SYCE1: variants seen among roughly 807,000 people sequenced by gnomAD.
The protein encoded by SYCE1 is synaptonemal complex central element protein 1.
In SYCE1, 37 loss-of-function variants were observed where a neutral mutation model predicts 55.1. That is an observed-to-expected ratio of 0.67 (90% CI 0.52 to 0.88). The LOEUF (loss-of-function observed/expected upper bound fraction) is 0.88. SYCE1 is among the 40% of genes least tolerant of loss of function. The probability of loss-of-function intolerance (pLI) is 0.00; values close to 1 mark genes in which losing one functional copy is unlikely to be tolerated. For missense variants in SYCE1, 399 were observed against 416.4 expected, an observed-to-expected ratio of 0.96 and a Z score of 0.36; for synonymous variants, 163 against 159.4, an observed-to-expected ratio of 1.02 and a Z score of -0.17.
At chr10:133,566,294 T>C (rs1851933000), upstream of SYCE1, among the ~76,000 whole-genome samples, 1 of 152,196 alleles carries the variant, frequency 6.6e-6, no homozygotes, top group South Asian at 2.1e-4. Context: ...GGAAGAACTT[T>C]ACCGTGCAGG....
chr10:133,564,748 AG>A (rs1272577030), intron 1 of SYCE1, among the ~76,000 whole-genome samples: 1 of 152,232 alleles, frequency 6.6e-6, no homozygotes, highest in Non-Finnish European at 1.5e-5. Context: ...TGACAGCAGG[AG>A]GGACGTCACC....
In SYCE1 at chr10:133,557,168, G is replaced by A. The variant is rs369084249; in HGVS notation, c.375-12C>T. 1.9e-5 allele frequency: 31 copies of A among 1,611,974 alleles called. No homozygotes were observed. The highest frequency in any genetic ancestry group is 3.3e-5 in the Admixed American group (2 of 60,000). Reference sequence around the variant, plus strand: ...ACATGGTGTGCTTCCTGGGAGAGGCGAGGCAGCCCTCAGCCATGTTCTCTT... The same window carrying A: ...ACATGGTGTGCTTCCTGGGAGAGGCAAGGCAGCCCTCAGCCATGTTCTCTT... On this transcript the variant is annotated splice_polypyrimidine_tract_variant and intron_variant, in intron 6 of 12. Transcript: ENST00000343131.
At chr10:133,557,681 G>A (rs1851720232) in intron 6 of SYCE1, 183 bp downstream of exon 6, 1 of 631,972 alleles carries the variant, frequency 1.6e-6, no homozygotes, top group Admixed American at 2.9e-5. Context: ...TCTTGCCATT[G>A]AGAGAGTTTC....
chr10:133,567,538 C>T (rs910518876), upstream of SYCE1, among the ~76,000 whole-genome samples: 1 of 152,028 alleles, frequency 6.6e-6, no homozygotes. Context: ...ATCCACTCTT[C>T]TGGGCAGGTG....
rs904900380 is a variant in SYCE1, at chr10:133,562,184, T to C, written c.74-2031A>G. On this transcript the variant is annotated intron_variant, in intron 1 of 12. Coordinates refer to ENST00000343131, the MANE Select transcript of SYCE1 (RefSeq NM_001143764.3). ...GCAGATATTTGTCCTAGCTGAAATA[T>C]GTTGATGAGATCTTAAAAATTTTTT... Among the ~76,000 whole-genome samples, 4 of 152,140 alleles carry C rather than the reference T, an allele frequency of 2.6e-5. No individual in the cohort carries two copies. The East Asian group carries it at 7.7e-4, about 29-fold the overall frequency.
At chr10:133,554,761 C>G, downstream of SYCE1, 1 of 1,426,818 alleles carries the variant, frequency 7.0e-7, no homozygotes, top group South Asian at 1.3e-5. Flanking sequence ...CCTGGGCCCA[C>G]TGTGAGAGCG....
intron 11 of SYCE1, 24 bp from the exon 12 acceptor site, chr10:133,555,462 G>A (rs1851640730): frequency 1.9e-6 from 3 of 1,613,644 alleles, no homozygotes; most frequent in Non-Finnish European, 2.5e-6. Flanking sequence ...GGTAGGATGG[G>A]GGAAGGAAGA....
chr10:133,568,155 C>T (rs1401561932), upstream of SYCE1: 9 of 883,994 alleles, frequency 1.0e-5, no homozygotes, highest in East Asian at 5.4e-5. Context: ...AGGCACAGGC[C>T]GCCCGTGGGT....
At chr10:133,563,178 T>C (rs768786882) in intron 1 of SYCE1, among the ~76,000 whole-genome samples, 8 of 152,246 alleles carry the variant, frequency 5.3e-5, no homozygotes, top group Non-Finnish European at 1.2e-4. Context: ...ACAAACTTTC[T>C]GATAGTAAAT....
rs1202329083 is a variant in SYCE1, at chr10:133,555,145, G to A, written c.919-16C>T. 6.5e-7 allele frequency: 1 copy of A among 1,541,944 alleles called. No individual in the cohort carries two copies. The highest frequency in any genetic ancestry group is 2.4e-5 in the East Asian group (1 of 40,886). ...TGGGACTGGCCTGCAGGAGGTTAGT[G>A]TCCAGGGTGGGAATTTACACCCATC... On this transcript the variant is annotated splice_polypyrimidine_tract_variant and intron_variant, in intron 12 of 12. Coordinates refer to ENST00000343131, the MANE Select transcript of SYCE1 (RefSeq NM_001143764.3).
At chr10:133,567,149 C>G (rs529994683), upstream of SYCE1, among the ~76,000 whole-genome samples, 8 of 149,314 alleles carry the variant, frequency 5.4e-5, no homozygotes, top group Admixed American at 4.7e-4. Context: ...GGTTAGGGGT[C>G]AGGGGTCCGG....
chr10:133,560,327 T>C, intron 1 of SYCE1, 174 bp from the exon 2 acceptor site: 1 of 547,512 alleles, frequency 1.8e-6, no homozygotes, highest in Non-Finnish European at 3.2e-6. Context: ...CTTTTCCCTA[T>C]AAGGTAAAAT....
In SYCE1 at chr10:133,555,679, C is replaced by T. The variant is rs777609705; in HGVS notation, c.748G>A (p.Ala250Thr). ...VQLFQEEHRK[A>T]EELLAAAAQR... ...GCAGCAGCTGCTAGGAGCTCCTCAG[C>T]CTTCCTGTGCTCTTCCTGAAACAGC... is the stretch of plus-strand genomic sequence containing the variant. Residue 250 changes from alanine to threonine, a missense_variant, in exon 11 of 13, where the codon GCT (alanine) becomes ACT (threonine). Physicochemically the swap from Ala to Thr is moderately conservative, Grantham distance 58. Coordinates refer to ENST00000343131, the MANE Select transcript of SYCE1 (RefSeq NM_001143764.3). The T allele has an allele frequency of 1.9e-6, 3 of 1,604,922 alleles. No individual in the cohort carries two copies. The East Asian group carries it at 6.7e-5, about 36-fold the overall frequency.
Position 133,565,511 on chromosome 10 carries a change from T to G in SYCE1, c.19A>C (p.Thr7Pro). 2 of 1,549,876 alleles carry G rather than the reference T, an allele frequency of 1.3e-6. No individual in the cohort carries two copies. The highest frequency in any genetic ancestry group is 2.0e-5 in the Admixed American group (1 of 50,962). Residue 7 changes from threonine (T) to proline (P), a missense_variant, in exon 1 of 13, where the codon ACA becomes CCA. Thr to Pro is a conservative substitution (Grantham distance 38). Transcript: ENST00000343131. The part of the protein sequence containing the change: MAGRSL[T>P]SKAEPTAGAV... ...CCTGCGGTGGGCTCGGCCTTCGATGTCAGGGACCTCCCCGCCATTTCCTCT... is the reference window on the plus strand; with the variant it reads ...CCTGCGGTGGGCTCGGCCTTCGATGGCAGGGACCTCCCCGCCATTTCCTCT...
intron 6 of SYCE1, 90 bp downstream of exon 6, chr10:133,557,774 G>T (rs2133618550): frequency 3.5e-6 from 5 of 1,422,514 alleles, no homozygotes; most frequent in Admixed American, 1.7e-5. Context: ...AACAATGAGA[G>T]CTGTGGGTCT....
intron 1 of SYCE1, among the ~76,000 whole-genome samples, chr10:133,563,063 C>A (rs1851851179): frequency 6.6e-6 from 1 of 152,374 alleles, no homozygotes; most frequent in Middle Eastern, 3.4e-3. Flanking sequence ...AATTACCTTA[C>A]ACTGATGTAT....
At chr10:133,567,140 G>A (rs1281791974), upstream of SYCE1, among the ~76,000 whole-genome samples, 1 of 151,292 alleles carries the variant, frequency 6.6e-6, no homozygotes, top group Non-Finnish European at 1.5e-5. Context: ...TGAGGTTAGG[G>A]TTAGGGGTCA....
chr10:133,567,886 G>C (rs11101844), upstream of SYCE1: 2 of 491,254 alleles, frequency 4.1e-6, no homozygotes, highest in Middle Eastern at 5.6e-4. Context: ...TGGGAGGTGG[G>C]AGGCTGAGGC....
rs138670149 is a variant in SYCE1 at position 133,558,916 on chromosome 10, G to A, written c.232C>T (p.Arg78Trp). ...TTCTGCAGGGCCTCACAGATGGTCC[G>A]GGCCTCTCCTAGGTCTTTATTGGCT... ...KKANKDLGEA[R>W]TICEALQKEL... is the part of the protein sequence containing the mutation. Residue 78 changes from arginine (R) to tryptophan (W), a missense_variant, in exon 4 of 13, where the codon CGG becomes TGG. Arg to Trp is a moderately radical substitution (Grantham distance 101). Coordinates refer to ENST00000343131, the MANE Select transcript of SYCE1 (RefSeq NM_001143764.3). The A allele has an allele frequency of 1.3e-4, 215 of 1,612,484 alleles. 1 individual carries two copies. Among genetic ancestry groups the A allele is most frequent in the Non-Finnish European group, 1.8e-4 (208 of 1,179,700 alleles).
Sources: allele counts gnomAD v4.1 joint callset (sites outside exome capture counted in the v4.1 genomes callset), GRCh38; gene constraint gnomAD v4.1.1; transcripts MANE v1.5; gene names NCBI Gene and HGNC (gene_info 2026-07-23, HGNC 2026-07-21).